The following CORO2A variants were observed in gnomAD, a reference collection of about 807,000 sequenced individuals.
CORO2A encodes the protein coronin 2A, also known as coronin-2A.
Under a neutral mutation model 62.4 loss-of-function variants are expected in CORO2A, and 47 were observed. The ratio of observed to expected loss-of-function variants is 0.75; its 90% CI spans 0.60 to 0.96. The LOEUF (loss-of-function observed/expected upper bound fraction) is 0.96, where lower values mean the gene tolerates loss of function less well. Among genes scored for constraint, CORO2A ranks in the 40% least tolerant of loss-of-function variants. The pLI is 0.00. For missense variants in CORO2A, 610 were observed against 684.1 expected, an observed-to-expected ratio of 0.89 and a Z score of 1.21; for synonymous variants, 273 against 268.9, an observed-to-expected ratio of 1.02 and a Z score of -0.15.
intron 2 of CORO2A, among the ~76,000 whole-genome samples, chr9:98,139,934 C>A (rs1827543274): frequency 6.6e-6 from 1 of 152,204 alleles, no homozygotes; most frequent in Admixed American, 6.5e-5. Flanking sequence ...GGTCCCCCAG[C>A]CCATGCCACA....
chr9:98,139,788 C>T (rs753337134), intron 2 of CORO2A, among the ~76,000 whole-genome samples: 2 of 152,142 alleles, frequency 1.3e-5, no homozygotes, highest in Non-Finnish European at 2.9e-5. Flanking sequence ...AGAATGGGAC[C>T]CTGTCTCAAA....
At chr9:98,174,965 T>A (rs1828089486) in intron 1 of CORO2A, among the ~76,000 whole-genome samples, 1 of 152,134 alleles carries the variant, frequency 6.6e-6, no homozygotes, top group Non-Finnish European at 1.5e-5. Context: ...TATATCACCA[T>A]CATTAAAAAA....
rs1207595360 is a variant in CORO2A at position 98,122,408 on chromosome 9, G to C, written c.*2366C>G. On this transcript the variant is annotated 3_prime_UTR_variant, in exon 12 of 12. Transcript: ENST00000375077. Reference sequence around the variant, plus strand: ...GCTTGGGTTGAAACCTACCAGACTAGGTGGCCTCCTGCAGTCCCCACCTCA... The same window carrying C: ...GCTTGGGTTGAAACCTACCAGACTACGTGGCCTCCTGCAGTCCCCACCTCA... 2.6e-5 allele frequency: 4 copies of C among 152,120 alleles called. No homozygotes were observed. Among genetic ancestry groups the C allele is most frequent in the African/African-American group, 9.7e-5 (4 of 41,414 alleles). The allele number at this position is 152,120 out of a possible 1,614,324, so 9.4% of individuals were successfully genotyped here.
intron 1 of CORO2A, among the ~76,000 whole-genome samples, chr9:98,164,772 C>T (rs768318413): frequency 3.3e-5 from 5 of 152,134 alleles, no homozygotes; most frequent in Admixed American, 6.5e-5. Context: ...AATTTTTCCT[C>T]CCTCCTTCAA....
chr9:98,148,858 C>T (rs576689958), intron 2 of CORO2A, among the ~76,000 whole-genome samples: 9 of 151,926 alleles, frequency 5.9e-5, no homozygotes, highest in South Asian at 2.1e-4. Flanking sequence ...AGCTGAACTG[C>T]GAGAGAAATA....
chr9:98,128,733 GGGAGGGCCAA>G lies in CORO2A; in HGVS notation c.968-24_968-15del. The G allele has an allele frequency of 6.2e-7, 1 of 1,610,910 alleles. No homozygotes were observed. Among genetic ancestry groups the G allele is most frequent in the Non-Finnish European group, 8.5e-7 (1 of 1,177,080 alleles). On this transcript the variant is annotated splice_polypyrimidine_tract_variant and intron_variant, in intron 8 of 11. Transcript: ENST00000375077. ...TTGGCATGACACCTGAAGGCAGACA[GGGAGGGCCAA>G]GAGGTTCTGGCTAGGCTGGGGCCAC...
At position 98,134,787 on chromosome 9, in the gene CORO2A, A is replaced by T; in HGVS notation, c.468+19T>A. 6.3e-7 allele frequency: 1 copy of T among 1,588,432 alleles called. No homozygotes were observed. Among genetic ancestry groups the T allele is most frequent in the Non-Finnish European group, 8.6e-7 (1 of 1,164,302 alleles). ...GGAACTTGTTGGGGCTGCCCCAGAG[A>T]AAGAATACCCAGACTCACCTTGTAG... is the stretch of plus-strand genomic sequence containing the variant. On this transcript the variant is annotated intron_variant, in intron 4 of 11. Coordinates refer to ENST00000375077, the MANE Select transcript of CORO2A (RefSeq NM_052820.4).
rs140030340 is a variant in CORO2A at position 98,141,515 on chromosome 9, G to A, written c.202-3827C>T. Among the ~76,000 whole-genome samples, 917 of 152,224 alleles carry A rather than the reference G, an allele frequency of 6.0e-3. 12 individuals carry two copies. The highest frequency in any genetic ancestry group is 0.021 in the African/African-American group (873 of 41,530). On this transcript the variant is annotated intron_variant, in intron 2 of 11. Transcript: ENST00000375077. ...TTACAGGTGCGTGCCACCACACCCA[G>A]CTAGTTTTTGTATTTTTTAGTAGGG...
In CORO2A at chr9:98,131,092, G is replaced by T. The variant is rs762911010; in HGVS notation, c.766-33C>A. 11 of 1,517,780 alleles carry T rather than the reference G, an allele frequency of 7.2e-6. No homozygotes were observed. The East Asian group carries it at 1.2e-4, about 16-fold the overall frequency. 94.0% of individuals were successfully genotyped at this position (1,517,780 alleles called of 1,614,324 possible). On this transcript the variant is annotated intron_variant, in intron 6 of 11. Transcript: ENST00000375077. ...GGAAGGGGAGGCAGGGAAGGCCTGG[G>T]TCACTCCTGGGGGCCCTCAGTGGTG...
chr9:98,184,877 G>C (rs1195270754), intron 1 of CORO2A, among the ~76,000 whole-genome samples: 2 of 152,138 alleles, frequency 1.3e-5, no homozygotes, highest in African/African-American at 2.4e-5. Flanking sequence ...ACCCCTAGGG[G>C]CTCCAGAAAT....
At chr9:98,179,295 C>A (rs1828147273) in intron 1 of CORO2A, among the ~76,000 whole-genome samples, 1 of 152,216 alleles carries the variant, frequency 6.6e-6, no homozygotes, top group Non-Finnish European at 1.5e-5. Context: ...ACAGCAGTGA[C>A]CCTGCAGGAC....
chr9:98,187,410 G>GATC (rs1266140891), intron 1 of CORO2A, among the ~76,000 whole-genome samples: 1 of 146,598 alleles, frequency 6.8e-6, no homozygotes, highest in Non-Finnish European at 1.5e-5. Context: ...AGTGAGCCAA[G>GATC]ATCACACCAC....
At chr9:98,191,062 T>C (rs1447793177) in intron 1 of CORO2A, among the ~76,000 whole-genome samples, 2 of 152,200 alleles carry the variant, frequency 1.3e-5, no homozygotes, top group Non-Finnish European at 2.9e-5. Context: ...CTGCCCTCTT[T>C]TGGCTGTTAA....
Position 98,137,272 on chromosome 9 carries a change from C to T in CORO2A, c.318+300G>A, listed in dbSNP as rs188916499. On this transcript the variant is annotated intron_variant, in intron 3 of 11. Coordinates refer to ENST00000375077, the MANE Select transcript of CORO2A (RefSeq NM_052820.4). ...CCCCTCATAGCCTTTTATAGCTCCCCGAAGGATGGGTTTTCCCATCGGAAT... is the reference window on the plus strand; with the variant it reads ...CCCCTCATAGCCTTTTATAGCTCCCTGAAGGATGGGTTTTCCCATCGGAAT... 1.1e-3 allele frequency among the ~76,000 whole-genome samples: 172 copies of T among 152,268 alleles called. 12 individuals are homozygous for T. Among genetic ancestry groups the T allele is most frequent in the South Asian group, 8.3e-4 (4 of 4,828 alleles).
intron 2 of CORO2A, 133 bp from the exon 3 acceptor site, chr9:98,137,821 C>A: frequency 7.1e-6 from 5 of 701,734 alleles, no homozygotes; most frequent in South Asian, 3.2e-5. Flanking sequence ...CTAGGCCTTA[C>A]TTCTTATTCC....
At chr9:98,189,575 C>T (rs1828279892) in intron 1 of CORO2A, among the ~76,000 whole-genome samples, 1 of 152,134 alleles carries the variant, frequency 6.6e-6, no homozygotes, top group Non-Finnish European at 1.5e-5. Flanking sequence ...AAGAGGTTGG[C>T]TGTCAGAGCT....
intron 11 of CORO2A, among the ~76,000 whole-genome samples, chr9:98,126,197 G>C (rs574385574): frequency 6.6e-6 from 1 of 151,482 alleles, no homozygotes; most frequent in Non-Finnish European, 1.5e-5. Flanking sequence ...CACCACACCC[G>C]GCTAATTTTT....
chr9:98,132,489 C>G (rs1267815695), intron 5 of CORO2A, among the ~76,000 whole-genome samples, 188 bp from the exon 6 acceptor site: 1 of 152,194 alleles, frequency 6.6e-6, no homozygotes, highest in African/African-American at 2.4e-5. Context: ...GGAGTCTCTC[C>G]CCACTATCTT....
At chr9:98,186,840 C>T (rs528056988) in intron 1 of CORO2A, among the ~76,000 whole-genome samples, 3 of 152,248 alleles carry the variant, frequency 2.0e-5, no homozygotes, top group African/African-American at 4.8e-5. Context: ...CCTCCTCCTG[C>T]TCACCTGGCC....
Sources: allele counts gnomAD v4.1 joint callset (sites outside exome capture counted in the v4.1 genomes callset), GRCh38; gene constraint gnomAD v4.1.1; transcripts MANE v1.5; gene names NCBI Gene and HGNC (gene_info 2026-07-23, HGNC 2026-07-21).